The following XKR6 variants were observed in gnomAD, a reference collection of about 807,000 sequenced individuals.
The protein encoded by XKR6 is XK-related protein 6.
Under a neutral mutation model 56.7 loss-of-function variants are expected in XKR6, and 22 were observed. The observed-to-expected ratio is 0.39, with a 90% confidence interval of 0.28 to 0.55. The LOEUF (loss-of-function observed/expected upper bound fraction) is 0.55, where lower values mean the gene tolerates loss of function less well. XKR6 is among the 20% of genes least tolerant of loss of function. The pLI, the probability that XKR6 is intolerant of heterozygous loss-of-function variation, is 0.66. For synonymous variants in XKR6, 524 were observed against 387.8 expected, an observed-to-expected ratio of 1.35 and a Z score of -4.13; for missense variants, 852 against 889.0, an observed-to-expected ratio of 0.96 and a Z score of 0.53.
chr8:11,001,772 C>T (rs868676091), intron 1 of XKR6, among the ~76,000 whole-genome samples: 4 of 152,226 alleles, frequency 2.6e-5, no homozygotes, highest in Non-Finnish European at 5.9e-5. Flanking sequence ...TCCTTCAGAA[C>T]CTACCAGCCT....
intron 1 of XKR6, among the ~76,000 whole-genome samples, chr8:11,024,002 C>T (rs1798804371): frequency 6.6e-6 from 1 of 152,154 alleles, no homozygotes; most frequent in African/African-American, 2.4e-5. Flanking sequence ...GGATGTATTT[C>T]TTCACATGCG....
At chr8:11,140,419 C>G (rs980052786) in intron 1 of XKR6, among the ~76,000 whole-genome samples, 1 of 152,174 alleles carries the variant, frequency 6.6e-6, no homozygotes, top group African/African-American at 2.4e-5. Flanking sequence ...GACCACATGA[C>G]TTACAGAGGG....
At chr8:11,190,859 T>C (rs1309631083) in intron 1 of XKR6, among the ~76,000 whole-genome samples, 1 of 152,218 alleles carries the variant, frequency 6.6e-6, no homozygotes, top group Non-Finnish European at 1.5e-5. Context: ...ATCTGTAAAA[T>C]GGGCACAAAA....
At position 11,055,530 on chromosome 8, in the gene XKR6, G is replaced by A. The variant is rs551457811; in HGVS notation, c.765-130700C>T. On this transcript the variant is annotated intron_variant, in intron 1 of 2. Coordinates refer to ENST00000416569, the MANE Select transcript of XKR6 (RefSeq NM_173683.4). The stretch of plus-strand genomic sequence containing the variant: ...CCACAGGCCTCCCTCAGCCCTGCAG[G>A]GAGCGGCATGGGGTTCCGCCCGCCC... 5.9e-5 allele frequency among the ~76,000 whole-genome samples: 9 copies of A among 152,292 alleles called. No individual in the cohort carries two copies. In the South Asian group the frequency reaches 1.4e-3, roughly 25 times the overall value.
intron 1 of XKR6, among the ~76,000 whole-genome samples, chr8:10,957,034 T>C (rs116457500): frequency 0.016 from 2,418 of 152,272 alleles, 82 homozygotes; most frequent in African/African-American, 0.056. Flanking sequence ...TGCTACAACC[T>C]CTGCCTCCTG....
chr8:10,952,744 G>A (rs2129127529), intron 1 of XKR6, among the ~76,000 whole-genome samples: 1 of 152,290 alleles, frequency 6.6e-6, no homozygotes, highest in South Asian at 2.1e-4. Flanking sequence ...GGATCACGGG[G>A]GCGGATCCTT....
intron 1 of XKR6, among the ~76,000 whole-genome samples, chr8:11,169,679 G>A (rs1031815820): frequency 6.6e-6 from 1 of 152,160 alleles, no homozygotes; most frequent in African/African-American, 2.4e-5. Context: ...TTCTGCTAGG[G>A]ATGAAGAAAA....
chr8:11,112,187 G>C (rs1016965761), intron 1 of XKR6, among the ~76,000 whole-genome samples: 1 of 152,210 alleles, frequency 6.6e-6, no homozygotes, highest in Non-Finnish European at 1.5e-5. Flanking sequence ...CATTAGTTCT[G>C]TCTTTATTTT....
chr8:10,948,708 C>T (rs1372784347), intron 1 of XKR6, among the ~76,000 whole-genome samples: 1 of 152,194 alleles, frequency 6.6e-6, no homozygotes, highest in East Asian at 1.9e-4. Flanking sequence ...GGCTGCTTTC[C>T]CATGGGGAAG....
intron 1 of XKR6, among the ~76,000 whole-genome samples, chr8:11,159,945 C>T (rs547664848): frequency 1.3e-5 from 2 of 152,164 alleles, no homozygotes; most frequent in Admixed American, 6.5e-5. Context: ...AGATCCACCA[C>T]GCTGGGTCCT....
At chr8:11,064,154 T>A (rs539525995) in intron 1 of XKR6, among the ~76,000 whole-genome samples, 9 of 152,330 alleles carry the variant, frequency 5.9e-5, no homozygotes, top group Admixed American at 5.9e-4. Flanking sequence ...TTCCTGTTTC[T>A]TTCCCAATAA....
intron 1 of XKR6, among the ~76,000 whole-genome samples, chr8:10,957,637 C>T (rs1169208636): frequency 6.6e-6 from 1 of 152,212 alleles, no homozygotes; most frequent in African/African-American, 2.4e-5. Context: ...GGAGCTTCCG[C>T]CTGCCAAGAG....
At chr8:10,984,728 C>CGCTATATATATA (rs1797817345) in intron 1 of XKR6, among the ~76,000 whole-genome samples, 1 of 66,854 alleles carries the variant, frequency 1.5e-5, no homozygotes, top group Non-Finnish European at 3.3e-5. Flanking sequence ...CTCTCTCTCT[C>CGCTATATATATA]TCTCTATATA....
At chr8:10,916,459 A>G (rs1800566561) in intron 2 of XKR6, among the ~76,000 whole-genome samples, 1 of 152,256 alleles carries the variant, frequency 6.6e-6, no homozygotes, top group African/African-American at 2.4e-5. Flanking sequence ...AAGAGACAAG[A>G]AAGTATTTTC....
intron 1 of XKR6, among the ~76,000 whole-genome samples, chr8:11,005,263 A>C (rs1798339737): frequency 6.6e-6 from 1 of 152,054 alleles, no homozygotes; most frequent in Non-Finnish European, 1.5e-5. Context: ...TATATTGTTT[A>C]TTTTCAGAAT....
intron 1 of XKR6, among the ~76,000 whole-genome samples, chr8:10,981,438 G>A (rs151267037): frequency 5.1e-4 from 77 of 152,350 alleles, no homozygotes; most frequent in African/African-American, 1.8e-3. Context: ...TCAGATTGCG[G>A]GTGAGGAGGA....
chr8:11,167,903 AAAAAAAAAAC>A (rs1229313465), intron 1 of XKR6, among the ~76,000 whole-genome samples: 1 of 145,476 alleles, frequency 6.9e-6, no homozygotes, highest in African/African-American at 2.7e-5. Context: ...AAAAAAAAAA[AAAAAAAAAAC>A]CACACACAAA....
chr8:11,172,665 G>C (rs1453139644), intron 1 of XKR6, among the ~76,000 whole-genome samples: 1 of 152,154 alleles, frequency 6.6e-6, no homozygotes, highest in African/African-American at 2.4e-5. Context: ...GTAGAAAGGA[G>C]GGTTTTTCTT....
Position 10,898,230 on chromosome 8 carries a change from G to T in XKR6, c.1648C>A (p.Gln550Lys), listed in dbSNP as rs758397368. ...GTGTCAGCCGTGAGATCCTCCTGTT[G>T]TTCCGTTACGGCTCTGGTGGGCGTA... is the stretch of plus-strand genomic sequence containing the variant. ...QVTPTRAVTE[Q>K]QEDLTADTCL... The change falls in exon 3 of 3, where the codon CAA (glutamine) becomes AAA (lysine). Residue 550 changes from glutamine to lysine, a missense_variant. Around this residue, in one of 4 missense-constraint regions of XKR6, gnomAD observed 197 missense variants for 190.9 expected, o/e 1.03. Transcript: ENST00000416569. This position sits in a 1 kb window ranked among gnomAD's most constrained non-coding sequence, Gnocchi z 6.6. 8 of 1,614,128 alleles carry T rather than the reference G, an allele frequency of 5.0e-6. No homozygotes were observed. Among genetic ancestry groups the T allele is most frequent in the Non-Finnish European group, 5.1e-6 (6 of 1,180,016 alleles).
Sources: gnomAD v4.1 joint callset for allele counts (sites outside exome capture counted in the v4.1 genomes callset) on GRCh38, gnomAD v4.1.1 for gene constraint, gnomAD v4.1.1 regional missense constraint, Gnocchi (gnomAD v3.1) non-coding constraint, MANE v1.5 for transcripts, NCBI Gene and HGNC (gene_info 2026-07-23, HGNC 2026-07-21) for gene names.